KIAA1328: variants seen among roughly 807,000 people sequenced by gnomAD.
KIAA1328 encodes KIAA1328, also known as protein hinderin.
Under a neutral mutation model 68.1 loss-of-function variants are expected in KIAA1328, and 52 were observed. That is an observed-to-expected ratio of 0.76 (90% CI 0.61 to 0.96). The LOEUF is 0.96. Among genes scored for constraint, KIAA1328 ranks in the 40% least tolerant of loss-of-function variants. The pLI is 0.00. For missense variants in KIAA1328, 641 were observed against 677.6 expected, an observed-to-expected ratio of 0.95 and a Z score of 0.60; for synonymous variants, 232 against 239.4, an observed-to-expected ratio of 0.97 and a Z score of 0.28.
chr18:36,869,570 A>T (rs1246526181), intron 4 of KIAA1328, among the ~76,000 whole-genome samples: 1 of 152,236 alleles, frequency 6.6e-6, no homozygotes. Flanking sequence ...CTACAGGTAC[A>T]TGTGATATGC....
At chr18:36,877,015 A>C (rs1006946957) in intron 4 of KIAA1328, among the ~76,000 whole-genome samples, 1 of 152,070 alleles carries the variant, frequency 6.6e-6, no homozygotes, top group African/African-American at 2.4e-5. Flanking sequence ...CTGAGTTCTA[A>C]TTTGATTGCA....
At chr18:36,866,392 C>T (rs933391208) in intron 4 of KIAA1328, among the ~76,000 whole-genome samples, 1 of 151,966 alleles carries the variant, frequency 6.6e-6, no homozygotes, top group Non-Finnish European at 1.5e-5. Flanking sequence ...CTCTCTTTAT[C>T]CCCCTCAGAT....
intron 6 of KIAA1328, among the ~76,000 whole-genome samples, chr18:36,960,309 C>T (rs915537489): frequency 1.3e-5 from 2 of 152,202 alleles, no homozygotes; most frequent in African/African-American, 2.4e-5. Context: ...CCGGGAAGCT[C>T]GAACTGGATG....
At chr18:37,102,910 A>G (rs2057664815) in intron 7 of KIAA1328, among the ~76,000 whole-genome samples, 1 of 152,226 alleles carries the variant, frequency 6.6e-6, no homozygotes, top group Non-Finnish European at 1.5e-5. Flanking sequence ...ATTGAAAAAG[A>G]AATCAAGAAA....
intron 6 of KIAA1328, among the ~76,000 whole-genome samples, chr18:36,979,206 AAAGAAAG>A (rs1598879422): frequency 3.5e-5 from 1 of 28,500 alleles, no homozygotes; most frequent in African/African-American, 5.9e-5. Flanking sequence ...AATAAAATAA[AAAGAAAG>A]AAGGTTATAT....
intron 5 of KIAA1328, among the ~76,000 whole-genome samples, chr18:36,954,711 TGA>T (rs2051330988): frequency 6.6e-6 from 1 of 150,422 alleles, no homozygotes; most frequent in Non-Finnish European, 1.5e-5. Context: ...TTTTTCTTTT[TGA>T]GACGGAGTTT....
chr18:36,935,249 CT>C (rs1175934015), intron 5 of KIAA1328, among the ~76,000 whole-genome samples: 1 of 152,222 alleles, frequency 6.6e-6, no homozygotes, highest in East Asian at 1.9e-4. Context: ...CCTACTAAAT[CT>C]TTCTAGACAG....
intron 7 of KIAA1328, among the ~76,000 whole-genome samples, chr18:37,099,183 A>T (rs994510602): frequency 6.6e-6 from 1 of 152,036 alleles, no homozygotes; most frequent in African/African-American, 2.4e-5. Flanking sequence ...TCAATTTTAG[A>T]TCTTTCCTGC....
chr18:36,952,738 C>A (rs1246835182), intron 5 of KIAA1328, among the ~76,000 whole-genome samples: 1 of 152,094 alleles, frequency 6.6e-6, no homozygotes. Context: ...GTCTTTTTTG[C>A]ATGGCCTTTT....
chr18:36,859,732 G>T (rs1219214873), intron 4 of KIAA1328, among the ~76,000 whole-genome samples: 2 of 151,500 alleles, frequency 1.3e-5, no homozygotes, highest in South Asian at 4.2e-4. Context: ...TTATAGGTGC[G>T]AGCCACTGCA....
chr18:37,064,814 G>C (rs2056288622), intron 6 of KIAA1328, among the ~76,000 whole-genome samples: 1 of 152,056 alleles, frequency 6.6e-6, no homozygotes, highest in African/African-American at 2.4e-5. Flanking sequence ...AGAAATACAG[G>C]TGGCCACTAG....
chr18:37,168,013 A>G (rs1337338755), intron 8 of KIAA1328, among the ~76,000 whole-genome samples: 2 of 152,218 alleles, frequency 1.3e-5, no homozygotes, highest in Non-Finnish European at 1.5e-5. Context: ...AAAGGATTAT[A>G]CATCATAACT....
chr18:37,012,200 G>T (rs1346759953), intron 6 of KIAA1328, among the ~76,000 whole-genome samples: 1 of 152,178 alleles, frequency 6.6e-6, no homozygotes, highest in Non-Finnish European at 1.5e-5. Flanking sequence ...CAACACTGGA[G>T]CTGTGTTGGA....
At chr18:37,099,055 T>G (rs1599259216) in intron 7 of KIAA1328, among the ~76,000 whole-genome samples, 1 of 151,850 alleles carries the variant, frequency 6.6e-6, no homozygotes, top group South Asian at 2.1e-4. Context: ...TTTTGAAGGG[T>G]TTTTTGTGTC....
intron 6 of KIAA1328, among the ~76,000 whole-genome samples, chr18:36,965,676 A>G (rs533650857): frequency 6.6e-6 from 1 of 150,784 alleles, no homozygotes; most frequent in Non-Finnish European, 1.5e-5. Context: ...TGGCCAAAAA[A>G]AAAAGTTTTA....
chr18:37,181,028 A>G (rs1011767576), intron 9 of KIAA1328, among the ~76,000 whole-genome samples: 2 of 152,192 alleles, frequency 1.3e-5, no homozygotes, highest in African/African-American at 4.8e-5. Context: ...AATATCAGAT[A>G]GAATTTATTC....
At chr18:37,080,132 T>C (rs1281305272) in intron 7 of KIAA1328, among the ~76,000 whole-genome samples, 1 of 152,194 alleles carries the variant, frequency 6.6e-6, no homozygotes, top group Non-Finnish European at 1.5e-5. Context: ...TTTGTTACTT[T>C]TTTTAACTTC....
At chr18:37,101,976 G>A (rs1332977643) in intron 7 of KIAA1328, among the ~76,000 whole-genome samples, 2 of 152,194 alleles carry the variant, frequency 1.3e-5, no homozygotes, top group Admixed American at 1.3e-4. Context: ...AAACAAATTG[G>A]AGAGGGGGGA....
chr18:37,107,867 T>TAAA (rs58171345), intron 7 of KIAA1328, among the ~76,000 whole-genome samples: 62 of 143,624 alleles, frequency 4.3e-4, no homozygotes, highest in African/African-American at 1.2e-3. Flanking sequence ...ATTAAAAGGT[T>TAAA]AAAAAAAAAA....
Sources: gnomAD v4.1 joint callset for allele counts (sites outside exome capture counted in the v4.1 genomes callset) on GRCh38, gnomAD v4.1.1 for gene constraint, MANE v1.5 for transcripts, NCBI Gene and HGNC (gene_info 2026-07-23, HGNC 2026-07-21) for gene names.